The following SP100 variants were observed in gnomAD, a reference collection of about 807,000 sequenced individuals.
The protein encoded by SP100 is nuclear autoantigen Sp-100.
SP100 carries 84 observed loss-of-function variants against 130.0 expected under a neutral mutation model. The observed-to-expected ratio is 0.65, with a 90% CI of 0.54 to 0.77. The LOEUF is 0.77. Among genes scored for constraint, SP100 ranks in the 30% least tolerant of loss-of-function variants. SP100 has a pLI of 0.00. For synonymous variants in SP100, 331 were observed against 351.7 expected (o/e 0.94, Z 0.66); for missense variants, 978 against 1,052.2 (o/e 0.93, Z 0.97).
At chr2:230,465,601 G>A (rs2064901139) in intron 11 of SP100, among the ~76,000 whole-genome samples, 1 of 152,264 alleles carries the variant, frequency 6.6e-6, no homozygotes. Context: ...AGGATGGAGG[G>A]TTGGAGGAGG....
In SP100 at chr2:230,452,339, A is replaced by G. The variant is rs554992258; in HGVS notation, c.820+2084A>G. Among the ~76,000 whole-genome samples, 3 of 152,054 alleles carry G rather than the reference A, an allele frequency of 2.0e-5. No individual in the cohort carries two copies. The South Asian group carries it at 6.2e-4, about 32-fold the overall frequency. ...ATTACAGGCATACTCCACCACGCCCAGCTAATTTTTTGTATTTAGTAGAGA... is the reference window on the plus strand; with the variant it reads ...ATTACAGGCATACTCCACCACGCCCGGCTAATTTTTTGTATTTAGTAGAGA... On this transcript the variant is annotated intron_variant, in intron 8 of 28. Transcript: ENST00000340126.
In SP100 at chr2:230,494,444, A is replaced by G. The variant is rs1159441068; in HGVS notation, c.1629A>G (p.Val543=). 5 of 1,608,500 alleles carry G rather than the reference A, an allele frequency of 3.1e-6. No homozygotes were observed. In the East Asian group the frequency reaches 1.1e-4, roughly 36 times the overall value. ...RRKKRRHRSK[V]NGLQRGRKKD... ...AAAAGAGAAGGCATAGATCTAAAGT[A>G]AATGGTCTCCAAAGAGGTAAGAAGA... Residue 543 remains valine, a synonymous_variant, in exon 18 of 29, where the codon GTA becomes GTG. Coordinates refer to ENST00000340126, the MANE Select transcript of SP100 (RefSeq NM_001080391.2).
chr2:230,460,579 T>G (rs2064538261), intron 8 of SP100, among the ~76,000 whole-genome samples: 1 of 147,978 alleles, frequency 6.8e-6, no homozygotes. Context: ...TCTGGGGTAT[T>G]GGTAATCTGT....
chr2:230,529,986 T>A (rs1404334688), intron 24 of SP100, among the ~76,000 whole-genome samples: 1 of 152,110 alleles, frequency 6.6e-6, no homozygotes, highest in Non-Finnish European at 1.5e-5. Context: ...ATCAATATCA[T>A]GAAAATGGCC....
intron 24 of SP100, among the ~76,000 whole-genome samples, chr2:230,528,023 G>A (rs1477647669): frequency 2.6e-5 from 4 of 152,156 alleles, no homozygotes; most frequent in African/African-American, 9.7e-5. Context: ...ATATCAATGA[G>A]ACAGAAGGTT....
intron 24 of SP100, chr2:230,514,965 G>A (rs1690820944): frequency 1.3e-6 from 2 of 1,484,390 alleles, no homozygotes; most frequent in African/African-American, 2.8e-5. Context: ...GCTGGCGCAA[G>A]TGAGAGCTGG....
At chr2:230,470,952 A>G (rs920487267) in intron 15 of SP100, among the ~76,000 whole-genome samples, 35 of 142,618 alleles carry the variant, frequency 2.5e-4, no homozygotes, top group Non-Finnish European at 4.7e-4. Flanking sequence ...ATGTATACAT[A>G]CATAAACACA....
intron 24 of SP100, chr2:230,515,946 C>A: frequency 9.5e-7 from 1 of 1,056,092 alleles, no homozygotes; most frequent in Non-Finnish European, 1.1e-6. Flanking sequence ...GTAGTTTTTT[C>A]ACCTTCAGTT....
Position 230,470,894 on chromosome 2 carries a change from C to CTG in SP100, c.1429+814_1429+815dup, listed in dbSNP as rs145760487. ...TGCAAGAAAGCTTATTTAACAACCA[C>CTG]TGTGTGTGTGTGTGTGTGTACACAT... On this transcript the variant is annotated intron_variant, in intron 15 of 28. Transcript: ENST00000340126. 4.0e-3 allele frequency among the ~76,000 whole-genome samples: 594 copies of CTG among 149,972 alleles called. 7 individuals are homozygous for CTG. Among genetic ancestry groups the CTG allele is most frequent in the South Asian group, 0.023 (111 of 4,752 alleles).
At chr2:230,510,977 A>T in intron 23 of SP100, 148 bp from the exon 24 acceptor site, 1 of 676,816 alleles carries the variant, frequency 1.5e-6, no homozygotes. Context: ...TTTATTCTTC[A>T]GTTAGATGTA....
intron 24 of SP100, among the ~76,000 whole-genome samples, chr2:230,521,816 G>A (rs1046914220): frequency 1.3e-5 from 2 of 152,160 alleles, no homozygotes; most frequent in Non-Finnish European, 2.9e-5. Flanking sequence ...CTGCTGCTAC[G>A]GGCCCAAACC....
intron 17 of SP100, among the ~76,000 whole-genome samples, chr2:230,492,471 A>G (rs2066439061): frequency 6.6e-6 from 1 of 151,994 alleles, no homozygotes; most frequent in South Asian, 2.1e-4. Context: ...TAGCTTGCTA[A>G]TTTTTCAAAT....
chr2:230,480,921 C>T (rs2065801879), intron 17 of SP100, among the ~76,000 whole-genome samples: 1 of 151,916 alleles, frequency 6.6e-6, no homozygotes, highest in Non-Finnish European at 1.5e-5. Flanking sequence ...TGGATGCATT[C>T]TCTTCTCTTG....
chr2:230,476,960 G>C (rs2065581409), intron 17 of SP100, among the ~76,000 whole-genome samples: 1 of 152,072 alleles, frequency 6.6e-6, no homozygotes, highest in African/African-American at 2.4e-5. Flanking sequence ...CTGCCTCCCA[G>C]GTTCACACCA....
At chr2:230,466,381 T>A in intron 12 of SP100, 27 bp downstream of exon 12, 1 of 1,204,066 alleles carries the variant, frequency 8.3e-7, no homozygotes, top group Non-Finnish European at 1.2e-6. Context: ...GGAAAAGAGG[T>A]AAGAGAAAAT....
chr2:230,416,255 G>C lies in SP100; in HGVS notation c.-42G>C. On this transcript the variant is annotated 5_prime_UTR_variant, in exon 1 of 29. Transcript: ENST00000340126. ...CAGGCTGGGCCGACTGAGGGGCTCA[G>C]AGGCCAGGCTCTGAGGCCCACGCAG... 5 of 1,591,080 alleles carry C rather than the reference G, an allele frequency of 3.1e-6. No homozygotes were observed. The highest frequency in any genetic ancestry group is 4.3e-6 in the Non-Finnish European group (5 of 1,161,544).
At chr2:230,431,841 C>T (rs1469169653) in intron 2 of SP100, among the ~76,000 whole-genome samples, 1 of 152,168 alleles carries the variant, frequency 6.6e-6, no homozygotes, top group Non-Finnish European at 1.5e-5. Flanking sequence ...TACTCTTCAA[C>T]TGAGTCTATT....
rs772865399 is a variant in SP100, at chr2:230,539,286, G to A, written c.2114G>A (p.Cys705Tyr). ...VDPCPENSNI[C>Y]EVCNKWGRLF... ...TTCTAGCCGGAAAACTCAAATATATGTGAGGTGTGCAACAAATGGGGACGG... is the reference window on the plus strand; with the variant it reads ...TTCTAGCCGGAAAACTCAAATATATATGAGGTGTGCAACAAATGGGGACGG... The change falls in exon 25 of 29, where the codon TGT becomes TAT. Residue 705 changes from cysteine (C) to tyrosine (Y), a missense_variant. Coordinates refer to ENST00000340126, the MANE Select transcript of SP100 (RefSeq NM_001080391.2). 3 of 1,613,616 alleles carry A rather than the reference G, an allele frequency of 1.9e-6. No homozygotes were observed. The highest frequency in any genetic ancestry group is 2.5e-6 in the Non-Finnish European group (3 of 1,179,552).
At chr2:230,482,153 CTGTTT>C (rs938578467) in intron 17 of SP100, among the ~76,000 whole-genome samples, 19 of 152,076 alleles carry the variant, frequency 1.2e-4, no homozygotes, top group Non-Finnish European at 1.0e-4. Context: ...TGTAATTGGT[CTGTTT>C]TATCATTTAT....
Sources: allele counts gnomAD v4.1 joint callset (sites outside exome capture counted in the v4.1 genomes callset), GRCh38; gene constraint gnomAD v4.1.1; transcripts MANE v1.5; gene names NCBI Gene and HGNC (gene_info 2026-07-23, HGNC 2026-07-21).